Variants in SGCD observed in about 807,000 individuals in gnomAD.
SGCD encodes sarcoglycan delta.
A neutral mutation model predicts 36.6 loss-of-function variants in SGCD; 18 were observed. That is an observed-to-expected ratio of 0.49 (90% CI 0.34 to 0.73). The LOEUF (loss-of-function observed/expected upper bound fraction) is 0.73, where lower values mean the gene tolerates loss of function less well. Among genes scored for constraint, SGCD ranks in the 30% least tolerant of loss-of-function variants. The pLI, the probability that SGCD is intolerant of heterozygous loss-of-function variation, is 0.01. For missense variants in SGCD, 387 were observed against 346.7 expected (o/e 1.12, Z -0.92); for synonymous variants, 133 against 130.6 (o/e 1.02, Z -0.12).
At position 156,307,552 on chromosome 5, in the gene SGCD, G is replaced by GTTTT; in HGVS notation, c.-43-21980_-43-21979insTTTT. On this transcript the variant is annotated intron_variant, in intron 3 of 9. Transcript: ENST00000517913. ...CTTCTTGTCTGTATACATTTTAACT[G>GTTTT]TTGTTTTTTTTTTTTTTTTTTTTTT... 2.1e-4 allele frequency among the ~76,000 whole-genome samples: 10 copies of GTTTT among 48,430 alleles called. 1 individual carries two copies. The highest frequency in any genetic ancestry group is 7.3e-4 in the African/African-American group (8 of 10,894). 31.8% of individuals were successfully genotyped at this position (48,430 alleles called of 152,430 possible).
At chr5:156,460,657 C>T (rs778630889) in intron 3 of SGCD, among the ~76,000 whole-genome samples, 32 of 152,134 alleles carry the variant, frequency 2.1e-4, no homozygotes, top group Admixed American at 1.3e-4. Flanking sequence ...GCCTGTTACC[C>T]TCAGCTCATT....
the SGCD span, chr5:155,845,517 G>T: frequency 0.094 from 14,338 of 152,104 alleles, 838 homozygotes; most frequent in South Asian, 0.2. Context: ...CTTAGTACTT[G>T]GATGGGAGAC....
chr5:155,829,046 A>G, the SGCD span, among the ~76,000 whole-genome samples: 1 of 152,038 alleles, frequency 6.6e-6, no homozygotes, highest in Non-Finnish European at 1.5e-5. Flanking sequence ...ATGGAGAGCT[A>G]GATGACCTGG....
chr5:156,289,588 A>AT (rs1292845375), intron 3 of SGCD, among the ~76,000 whole-genome samples: 1 of 150,634 alleles, frequency 6.6e-6, no homozygotes, highest in African/African-American at 2.4e-5. Flanking sequence ...TCTTTTTTTT[A>AT]TTTTTTTATT....
At chr5:156,227,722 G>A (rs573020059) in intron 3 of SGCD, among the ~76,000 whole-genome samples, 21 of 152,132 alleles carry the variant, frequency 1.4e-4, no homozygotes, top group African/African-American at 4.8e-4. Context: ...GTTCCTTGAG[G>A]TGCAACGTTA....
intron 3 of SGCD, among the ~76,000 whole-genome samples, chr5:156,130,760 C>T (rs1262131511): frequency 1.3e-5 from 2 of 151,268 alleles, no homozygotes; most frequent in Non-Finnish European, 2.9e-5. Context: ...GAGTTTCGCT[C>T]TTGTCACTCA....
intron 7 of SGCD, among the ~76,000 whole-genome samples, chr5:156,741,792 A>G (rs1756686861): frequency 6.6e-6 from 1 of 152,190 alleles, no homozygotes; most frequent in Admixed American, 6.5e-5. Flanking sequence ...TCAGTTCCTC[A>G]ATTGCACCTT....
At chr5:156,438,923 C>A (rs1753368080) in intron 3 of SGCD, among the ~76,000 whole-genome samples, 1 of 152,076 alleles carries the variant, frequency 6.6e-6, no homozygotes, top group Admixed American at 6.6e-5. Flanking sequence ...TCAAACAAAC[C>A]TGAGAGAGTT....
chr5:156,575,613 C>G (rs532925647), intron 4 of SGCD, among the ~76,000 whole-genome samples: 2 of 152,258 alleles, frequency 1.3e-5, no homozygotes, highest in South Asian at 2.1e-4. Context: ...TGAGAGTCCA[C>G]CAGATGTGAG....
intron 3 of SGCD, among the ~76,000 whole-genome samples, chr5:156,231,715 T>C (rs1368548361): frequency 1.3e-5 from 2 of 152,162 alleles, no homozygotes; most frequent in African/African-American, 4.8e-5. Flanking sequence ...TTTAGATATA[T>C]AGAGAGCTTG....
chr5:156,518,120 G>T (rs1168446342), intron 4 of SGCD, among the ~76,000 whole-genome samples: 1 of 152,076 alleles, frequency 6.6e-6, no homozygotes, highest in East Asian at 1.9e-4. Flanking sequence ...ACACACAAAG[G>T]CTAAAAATAA....
At chr5:156,172,194 G>T (rs1459433076) in intron 3 of SGCD, among the ~76,000 whole-genome samples, 1 of 152,212 alleles carries the variant, frequency 6.6e-6, no homozygotes, top group Admixed American at 6.5e-5. Context: ...TGAGGCAGGA[G>T]AATCGCTTGA....
intron 1 of SGCD, among the ~76,000 whole-genome samples, chr5:155,966,978 T>C (rs1308536001): frequency 2.0e-5 from 3 of 149,916 alleles, no homozygotes; most frequent in Non-Finnish European, 4.4e-5. Context: ...TATGTGTATG[T>C]GTGTATATGT....
intron 1 of SGCD, among the ~76,000 whole-genome samples, chr5:155,944,069 T>C (rs115345513): frequency 0.012 from 1,775 of 152,336 alleles, 27 homozygotes; most frequent in Non-Finnish European, 0.016. Flanking sequence ...TAGTTTGTTC[T>C]GCCTTGGCTG....
At chr5:156,735,897 G>A (rs1756333569) in intron 7 of SGCD, among the ~76,000 whole-genome samples, 2 of 152,200 alleles carry the variant, frequency 1.3e-5, no homozygotes, top group South Asian at 4.1e-4. Context: ...GCTGTGCCAA[G>A]ACTCCATGTA....
At chr5:156,624,431 A>G (rs1263636420) in intron 6 of SGCD, among the ~76,000 whole-genome samples, 1 of 152,094 alleles carries the variant, frequency 6.6e-6, no homozygotes, top group African/African-American at 2.4e-5. Flanking sequence ...AATACAAAAA[A>G]TTAGCCGGGC....
At chr5:156,359,973 T>C (rs1045000160) in intron 3 of SGCD, among the ~76,000 whole-genome samples, 7 of 152,158 alleles carry the variant, frequency 4.6e-5, no homozygotes, top group African/African-American at 1.7e-4. Flanking sequence ...CTTCTCAAAT[T>C]CTTGGTTCAT....
intron 6 of SGCD, among the ~76,000 whole-genome samples, chr5:156,628,932 T>C (rs1270870993): frequency 2.0e-5 from 3 of 152,188 alleles, no homozygotes; most frequent in African/African-American, 4.8e-5. Flanking sequence ...AATGAAGATA[T>C]CAACACTGCA....
At chr5:156,636,650 GTAC>G (rs1161171954) in intron 6 of SGCD, among the ~76,000 whole-genome samples, 2 of 152,168 alleles carry the variant, frequency 1.3e-5, no homozygotes, top group Non-Finnish European at 2.9e-5. Context: ...GAAAGGAAAA[GTAC>G]TTTCTGGCTG....
Sources: allele counts gnomAD v4.1 joint callset (sites outside exome capture counted in the v4.1 genomes callset), GRCh38; gene constraint gnomAD v4.1.1; transcripts MANE v1.5; gene names NCBI Gene and HGNC (gene_info 2026-07-23, HGNC 2026-07-21).